NRTN: variants seen among roughly 807,000 people sequenced by gnomAD.
NRTN encodes neurturin.
NRTN carries 3 observed loss-of-function variants against 7.5 expected under a neutral mutation model. That is an observed-to-expected ratio of 0.40 (90% CI 0.18 to 1.03). NRTN has a LOEUF of 1.03. Ranked by LOEUF, NRTN falls within the 50% of genes least tolerant of loss-of-function variation. NRTN has a pLI of 0.34. For synonymous variants in NRTN, 157 were observed against 146.6 expected (o/e 1.07, Z -0.51); for missense variants, 310 against 307.0 (o/e 1.01, Z -0.07).
Position 5,824,128 on chromosome 19 carries a change from G to A in NRTN, c.-38G>A. 6.2e-7 allele frequency: 1 copy of A among 1,600,422 alleles called. No individual in the cohort carries two copies. On this transcript the variant is annotated 5_prime_UTR_variant, in exon 2 of 3. Transcript: ENST00000303212. The stretch of plus-strand genomic sequence containing the variant: ...CCGTTGGCTGCTGGAGGGACAGACG[G>A]GGCGTGCGGCTGACCATCCCGTGCC...
intron 1 of NRTN, among the ~76,000 whole-genome samples, chr19:5,805,994 C>G (rs972839617): frequency 2.6e-5 from 4 of 152,092 alleles, no homozygotes; most frequent in Non-Finnish European, 4.4e-5. Flanking sequence ...CGGGCCCTCT[C>G]GGCTCCTGGA....
intron 1 of NRTN, among the ~76,000 whole-genome samples, chr19:5,822,855 CA>C (rs994095330): frequency 6.6e-6 from 1 of 151,514 alleles, no homozygotes; most frequent in African/African-American, 2.4e-5. Context: ...AAAACAAAAA[CA>C]AAAAAAATTA....
At chr19:5,809,608 G>A (rs118026571) in intron 1 of NRTN, among the ~76,000 whole-genome samples, 7,025 of 152,246 alleles carry the variant, frequency 0.046, 220 homozygotes, top group South Asian at 0.068. Context: ...GGTTACCACC[G>A]AGTCCCTGGT....
In NRTN at chr19:5,827,847, C is replaced by CCA. The variant is rs2057053360; in HGVS notation, c.268_269insCA (p.Arg90ProfsTer24). 8.5e-7 allele frequency: 1 copy of CCA among 1,171,900 alleles called. No homozygotes were observed. Among genetic ancestry groups the CCA allele is most frequent in the Non-Finnish European group, 1.0e-6 (1 of 953,186 alleles). 72.6% of individuals were successfully genotyped at this position (1,171,900 alleles called of 1,614,324 possible). ...AGGTCCGCGCCGTCGGGCGGGGCCC[C>CCA]GGCGGCGGCGCGCGCGTGCGCGGTT... is the stretch of plus-strand genomic sequence containing the variant. On this transcript the variant is annotated frameshift_variant, in exon 3 of 3. Transcript: ENST00000303212. LOFTEE classifies it low-confidence loss of function (END_TRUNC).
In NRTN at chr19:5,817,677, A is replaced by G. The variant is rs566075098; in HGVS notation, c.-398-6091A>G. Among the ~76,000 whole-genome samples the G allele has an allele frequency of 2.6e-5, 4 of 152,120 alleles. No homozygotes were observed. In the South Asian group the frequency reaches 8.3e-4, roughly 32 times the overall value. On this transcript the variant is annotated intron_variant, in intron 1 of 2. Coordinates refer to ENST00000303212, the MANE Select transcript of NRTN (RefSeq NM_004558.5). The stretch of plus-strand genomic sequence containing the variant: ...GGCGTGTGAGTGTCATCATGGTCAA[A>G]TGTGTGATTGTGTTTCAATGCGTGT...
intron 1 of NRTN, among the ~76,000 whole-genome samples, chr19:5,817,523 G>A (rs550075294): frequency 4.2e-4 from 54 of 128,204 alleles, no homozygotes; most frequent in Middle Eastern, 5.1e-3. Context: ...GAGGGAGAGA[G>A]AGAGGAAGAA....
Position 5,825,174 on chromosome 19 carries a change from A to G in NRTN, c.169+840A>G, listed in dbSNP as rs559732792. Among the ~76,000 whole-genome samples, 230 of 152,178 alleles carry G rather than the reference A, an allele frequency of 1.5e-3. 3 individuals are homozygous for G. Among genetic ancestry groups the G allele is most frequent in the African/African-American group, 5.4e-3 (225 of 41,510 alleles). ...GAGAGACGGGGCTGGGGGCACAGAC[A>G]CGGGCAAAAGTGCTGCTATAGGGAC... On this transcript the variant is annotated intron_variant, in intron 2 of 2. Transcript: ENST00000303212.
chr19:5,818,388 T>C (rs2057012971), intron 1 of NRTN, among the ~76,000 whole-genome samples: 2 of 151,794 alleles, frequency 1.3e-5, no homozygotes, highest in South Asian at 4.1e-4. Context: ...AGAACCTGAG[T>C]GTGAGGATAT....
At position 5,812,098 on chromosome 19, in the gene NRTN, C is replaced by A. The variant is rs7256348; in HGVS notation, c.-399+6647C>A. On this transcript the variant is annotated intron_variant, in intron 1 of 2. Coordinates refer to ENST00000303212, the MANE Select transcript of NRTN (RefSeq NM_004558.5). The stretch of plus-strand genomic sequence containing the variant: ...ATGTTATCCAAGATGGTCTCGATCT[C>A]CTGACCTCGTGATCCACCCGCCTCG... Among the ~76,000 whole-genome samples, 759 of 150,994 alleles carry A rather than the reference C, an allele frequency of 5.0e-3. 6 individuals carry two copies. Among genetic ancestry groups the A allele is most frequent in the African/African-American group, 0.017 (717 of 41,066 alleles).
At chr19:5,821,564 AAG>A (rs1277147397) in intron 1 of NRTN, among the ~76,000 whole-genome samples, 2 of 151,836 alleles carry the variant, frequency 1.3e-5, no homozygotes, top group Admixed American at 1.3e-4. Context: ...CAGCCTCCCA[AAG>A]TGCTGGGATT....
chr19:5,819,633 A>G (rs2057016487), intron 1 of NRTN, among the ~76,000 whole-genome samples: 1 of 152,166 alleles, frequency 6.6e-6, no homozygotes, highest in Admixed American at 6.5e-5. Context: ...ATTGCACTCC[A>G]GCCTGGGCAA....
intron 1 of NRTN, among the ~76,000 whole-genome samples, chr19:5,822,838 T>C (rs1038563211): frequency 3.3e-5 from 5 of 151,818 alleles, no homozygotes; most frequent in African/African-American, 1.2e-4. Context: ...CCCCTCTCTA[T>C]TAAACAAAAA....
rs1290278896 is a variant in NRTN, at chr19:5,823,932, G to C, written c.-234G>C. Reference sequence around the variant, plus strand: ...GACCTTGTCATCGGCTCCTCAGGAAGGCACTCCGGGACCCCCAGATGGGGG... The same window carrying C: ...GACCTTGTCATCGGCTCCTCAGGAACGCACTCCGGGACCCCCAGATGGGGG... On this transcript the variant is annotated 5_prime_UTR_variant, in exon 2 of 3. Transcript: ENST00000303212. 5 of 608,612 alleles carry C rather than the reference G, an allele frequency of 8.2e-6. No individual in the cohort carries two copies. The highest frequency in any genetic ancestry group is 1.5e-5 in the Non-Finnish European group (5 of 342,392). The allele number at this position is 608,612 out of a possible 1,614,324, so 37.7% of individuals were successfully genotyped here.
In NRTN at chr19:5,813,481, G is replaced by A. The variant is rs202008375; in HGVS notation, c.-399+8030G>A. On this transcript the variant is annotated intron_variant, in intron 1 of 2. Coordinates refer to ENST00000303212, the MANE Select transcript of NRTN (RefSeq NM_004558.5). ...GAGGTCAGGAGTTTTAGACCAGTCT[G>A]GCCAACATGGTGGAACCTCGTTTCT... 3.9e-5 allele frequency among the ~76,000 whole-genome samples: 6 copies of A among 152,218 alleles called. No individual in the cohort carries two copies. In the South Asian group the frequency reaches 6.2e-4, roughly 16 times the overall value.
chr19:5,823,031 AAGAAAG>A (rs2057030972), intron 1 of NRTN, among the ~76,000 whole-genome samples: 2 of 144,648 alleles, frequency 1.4e-5, no homozygotes, highest in Non-Finnish European at 1.5e-5. Context: ...CTCAAAAAAA[AAGAAAG>A]AGAGAGAGAG....
chr19:5,820,700 C>T (rs2144763687), intron 1 of NRTN, among the ~76,000 whole-genome samples: 1 of 129,314 alleles, frequency 7.7e-6, no homozygotes, highest in South Asian at 2.5e-4. Context: ...CTGTGCTCCA[C>T]ACTCCAGCCT....
intron 1 of NRTN, among the ~76,000 whole-genome samples, chr19:5,813,361 C>A (rs2056995962): frequency 6.6e-6 from 1 of 151,370 alleles, no homozygotes; most frequent in Non-Finnish European, 1.5e-5. Context: ...ATGGTGAAAC[C>A]CTGTCTCTAC....
intron 1 of NRTN, among the ~76,000 whole-genome samples, chr19:5,814,130 C>T (rs904356228): frequency 6.6e-6 from 1 of 152,148 alleles, no homozygotes; most frequent in African/African-American, 2.4e-5. Context: ...TTGGGATCTG[C>T]AGCAAGCTCA....
Position 5,805,236 on chromosome 19 carries a change from C to T in NRTN, c.-614C>T, listed in dbSNP as rs1263782617. On this transcript the variant is annotated 5_prime_UTR_variant, in exon 1 of 3. Coordinates refer to ENST00000303212, the MANE Select transcript of NRTN (RefSeq NM_004558.5). ...CCAGGGCACCCACCCCCAGCCCCAGCCCCCGCCGGCCCGGGATGGCCGCAG... is the reference window on the plus strand; with the variant it reads ...CCAGGGCACCCACCCCCAGCCCCAGTCCCCGCCGGCCCGGGATGGCCGCAG... Among the ~76,000 whole-genome samples, 5 of 146,360 alleles carry T rather than the reference C, an allele frequency of 3.4e-5. No homozygotes were observed. The highest frequency in any genetic ancestry group is 6.1e-5 in the Non-Finnish European group (4 of 65,864).
Sources: gnomAD v4.1 joint callset for allele counts (sites outside exome capture counted in the v4.1 genomes callset) on GRCh38, gnomAD v4.1.1 for gene constraint, MANE v1.5 for transcripts, NCBI Gene and HGNC (gene_info 2026-07-23, HGNC 2026-07-21) for gene names.